GABBR2: variants seen among roughly 807,000 people sequenced by gnomAD.
GABBR2 encodes G-protein coupled receptor 51.
GABBR2 carries 23 observed loss-of-function variants against 105.6 expected under a neutral mutation model. The observed-to-expected ratio is 0.22, with a 90% CI of 0.16 to 0.31. The LOEUF (loss-of-function observed/expected upper bound fraction) is 0.31, where lower values mean the gene tolerates loss of function less well. GABBR2 is among the 10% of genes least tolerant of loss of function. The probability of loss-of-function intolerance (pLI) is 1.00; values close to 1 mark genes in which losing one functional copy is unlikely to be tolerated. For synonymous variants in GABBR2, 478 were observed against 499.7 expected (o/e 0.96, Z 0.58); for missense variants, 734 against 1,245.5 (o/e 0.59, Z 6.18).
At chr9:98,337,135 T>A (rs1056830153) in intron 13 of GABBR2, among the ~76,000 whole-genome samples, 5 of 151,988 alleles carry the variant, frequency 3.3e-5, no homozygotes, top group Admixed American at 1.3e-4. Context: ...TGAAACCCTG[T>A]CTCTACTAAA....
At chr9:98,324,541 C>CAG (rs984505417) in intron 13 of GABBR2, among the ~76,000 whole-genome samples, 1 of 140,718 alleles carries the variant, frequency 7.1e-6, no homozygotes, top group African/African-American at 2.7e-5. Flanking sequence ...CACACACACA[C>CAG]AGAGTAGTGC....
chr9:98,560,649 CAAA>C lies in GABBR2; in HGVS notation c.459+17283_459+17285del, dbSNP rs554951278. On this transcript the variant is annotated intron_variant, in intron 2 of 18. Transcript: ENST00000259455. ...AATATTTAAATAAAAATATTTAAAACAAAGAAGTTGAAACAATAGCATGAGGAA... is the reference window on the plus strand; with the variant it reads ...AATATTTAAATAAAAATATTTAAAACGAAGTTGAAACAATAGCATGAGGAA... Among the ~76,000 whole-genome samples the C allele has an allele frequency of 4.1e-3, 617 of 151,394 alleles. 5 individuals are homozygous for C. Among genetic ancestry groups the C allele is most frequent in the African/African-American group, 0.014 (571 of 41,334 alleles).
intron 2 of GABBR2, among the ~76,000 whole-genome samples, chr9:98,573,790 A>G (rs1332374332): frequency 6.6e-6 from 1 of 151,744 alleles, no homozygotes; most frequent in Non-Finnish European, 1.5e-5. Context: ...GTTTTTTCCT[A>G]CTCTTGCCCC....
chr9:98,368,130 G>A (rs531148048), intron 12 of GABBR2, among the ~76,000 whole-genome samples: 36 of 151,992 alleles, frequency 2.4e-4, no homozygotes, highest in East Asian at 1.7e-3. Context: ...CCTCCTCACC[G>A]TCACAATCAT....
intron 13 of GABBR2, among the ~76,000 whole-genome samples, chr9:98,322,956 T>C (rs1830850955): frequency 6.6e-6 from 1 of 152,144 alleles, no homozygotes; most frequent in Admixed American, 6.5e-5. Flanking sequence ...AACTGCTCAC[T>C]GTGGGCCAGA....
At chr9:98,568,160 C>A (rs1427647658) in intron 2 of GABBR2, among the ~76,000 whole-genome samples, 1 of 152,124 alleles carries the variant, frequency 6.6e-6, no homozygotes, top group African/African-American at 2.4e-5. Flanking sequence ...TCATGAAGGG[C>A]AGTGATACCC....
intron 1 of GABBR2, among the ~76,000 whole-genome samples, chr9:98,622,357 G>T (rs1247572574): frequency 6.6e-6 from 1 of 152,038 alleles, no homozygotes; most frequent in African/African-American, 2.4e-5. Context: ...GTAGGGATGG[G>T]GCGTCACCAT....
chr9:98,703,129 G>A (rs1390889184), intron 1 of GABBR2, among the ~76,000 whole-genome samples: 2 of 152,214 alleles, frequency 1.3e-5, no homozygotes, highest in Non-Finnish European at 2.9e-5. Flanking sequence ...TCTTCTTACT[G>A]GAGTTTCTAA....
intron 6 of GABBR2, among the ~76,000 whole-genome samples, chr9:98,462,502 C>T (rs1826443126): frequency 6.6e-6 from 1 of 151,988 alleles, no homozygotes; most frequent in African/African-American, 2.4e-5. Flanking sequence ...CTTGAATGGG[C>T]AATTCACAAA....
At chr9:98,705,626 T>C (rs1830882908) in intron 1 of GABBR2, among the ~76,000 whole-genome samples, 1 of 152,208 alleles carries the variant, frequency 6.6e-6, no homozygotes, top group South Asian at 2.1e-4. Context: ...CTGAATAAAC[T>C]AGACCCTAAA....
chr9:98,631,986 T>A (rs928439523), intron 1 of GABBR2, among the ~76,000 whole-genome samples: 1 of 152,218 alleles, frequency 6.6e-6, no homozygotes, highest in Admixed American at 6.5e-5. Context: ...CAAGAGCAAA[T>A]ACTCAGCACT....
intron 11 of GABBR2, among the ~76,000 whole-genome samples, chr9:98,384,763 G>C (rs1464674182): frequency 6.6e-6 from 1 of 152,084 alleles, no homozygotes; most frequent in Non-Finnish European, 1.5e-5. Context: ...AGCCCCCTTG[G>C]GGGCAACTGT....
chr9:98,320,755 A>C (rs953698441), intron 13 of GABBR2, among the ~76,000 whole-genome samples: 48 of 146,078 alleles, frequency 3.3e-4, no homozygotes, highest in African/African-American at 1.2e-3. Flanking sequence ...GCATATTCTC[A>C]CTCATAGGTG....
intron 11 of GABBR2, among the ~76,000 whole-genome samples, chr9:98,377,097 A>G (rs1831888335): frequency 6.6e-6 from 1 of 152,026 alleles, no homozygotes; most frequent in Non-Finnish European, 1.5e-5. Context: ...GCCTTGGCTC[A>G]GGCCACAGAA....
chr9:98,489,147 G>T (rs1173948587), intron 4 of GABBR2, among the ~76,000 whole-genome samples: 1 of 152,238 alleles, frequency 6.6e-6, no homozygotes, highest in East Asian at 1.9e-4. Context: ...CAAACACAGA[G>T]AGTAGGCCGG....
rs1412217302 is a variant in GABBR2 at position 98,306,473 on chromosome 9, T to C, written c.2005-128A>G. ...CTGCAGGGAGGGAGGGTCGGGGGCC[T>C]TGCTGTCAGCCGGGTCTTCTGGATG... On this transcript the variant is annotated intron_variant, in intron 14 of 18. Transcript: ENST00000259455. This position sits in a 1 kb window ranked among gnomAD's most constrained non-coding sequence, Gnocchi z 5.4. 4.5e-6 allele frequency: 3 copies of C among 664,098 alleles called. No homozygotes were observed. Among genetic ancestry groups the C allele is most frequent in the African/African-American group, 1.8e-5 (1 of 56,176 alleles). The allele number at this position is 664,098 out of a possible 1,614,324, so 41.1% of individuals were successfully genotyped here. A position where few individuals can be genotyped will look rare whatever the true frequency, so the allele number is the denominator to read the frequency against.
intron 7 of GABBR2, among the ~76,000 whole-genome samples, chr9:98,416,218 G>C (rs1046113757): frequency 2.6e-5 from 4 of 152,180 alleles, no homozygotes; most frequent in Admixed American, 2.6e-4. Context: ...GCTGGCTCCA[G>C]CACACCCATA....
intron 7 of GABBR2, among the ~76,000 whole-genome samples, chr9:98,435,106 G>C (rs1361130447): frequency 2.6e-5 from 4 of 152,122 alleles, no homozygotes; most frequent in Non-Finnish European, 5.9e-5. Flanking sequence ...TTTTTAATGC[G>C]CATTTGCCAA....
intron 2 of GABBR2, among the ~76,000 whole-genome samples, chr9:98,573,116 G>C (rs1464305969): frequency 6.6e-6 from 1 of 152,110 alleles, no homozygotes; most frequent in African/African-American, 2.4e-5. Context: ...CCTATCCTCT[G>C]CACTTAGCAC....
Sources: allele counts gnomAD v4.1 joint callset (sites outside exome capture counted in the v4.1 genomes callset), GRCh38; gene constraint gnomAD v4.1.1; non-coding constraint Gnocchi (gnomAD v3.1); transcripts MANE v1.5; gene names NCBI Gene and HGNC (gene_info 2026-07-23, HGNC 2026-07-21).